The following TENM3 variants were observed in gnomAD, a reference collection of about 807,000 sequenced individuals.
TENM3 encodes the protein teneurin-3.
In TENM3, 63 loss-of-function variants were observed where a neutral mutation model predicts 255.1. The observed-to-expected ratio is 0.25, with a 90% CI of 0.20 to 0.30. The LOEUF (loss-of-function observed/expected upper bound fraction) is 0.30, where lower values mean the gene tolerates loss of function less well. Ranked by LOEUF, TENM3 falls within the 10% of genes least tolerant of loss-of-function variation. The pLI, the probability that TENM3 is intolerant of heterozygous loss-of-function variation, is 1.00. For missense variants in TENM3, 2,929 were observed against 3,461.1 expected (o/e 0.85, Z 3.86); for synonymous variants, 1,306 against 1,322.3 (o/e 0.99, Z 0.27).
chr4:182,096,542 A>T, the TENM3 span, among the ~76,000 whole-genome samples: 2 of 152,254 alleles, frequency 1.3e-5, no homozygotes, highest in African/African-American at 4.8e-5. Context: ...ATGAGTATAT[A>T]TTATGGACAA....
chr4:181,886,148 G>T, the TENM3 span, among the ~76,000 whole-genome samples: 1 of 150,460 alleles, frequency 6.6e-6, no homozygotes, highest in South Asian at 2.1e-4. Flanking sequence ...CGCCTTCCGG[G>T]TTCAAGCAAT....
chr4:181,629,266 G>A, the TENM3 span, among the ~76,000 whole-genome samples: 20,899 of 152,070 alleles, frequency 0.14, 1,665 homozygotes, highest in African/African-American at 0.21. Flanking sequence ...TAAATATACA[G>A]TCATGTCATC....
At chr4:182,174,923 T>C (rs901155587) in intron 1 of TENM3, among the ~76,000 whole-genome samples, 3 of 146,022 alleles carry the variant, frequency 2.1e-5, no homozygotes, top group Admixed American at 6.9e-5. Context: ...ATTACAAGTA[T>C]TGATATTTTC....
intron 3 of TENM3, among the ~76,000 whole-genome samples, chr4:182,523,052 T>C (rs1042927101): frequency 1.3e-5 from 2 of 152,186 alleles, no homozygotes; most frequent in African/African-American, 4.8e-5. Context: ...TGCTTCATGA[T>C]GTTGAGCATT....
At chr4:181,957,065 A>T in the TENM3 span, among the ~76,000 whole-genome samples, 44 of 152,314 alleles carry the variant, frequency 2.9e-4, 1 homozygote, top group East Asian at 1.7e-3. Context: ...TTCAGTTGGC[A>T]TTGCTGGAAT....
the TENM3 span, among the ~76,000 whole-genome samples, chr4:181,667,896 G>A: frequency 6.6e-6 from 1 of 152,222 alleles, no homozygotes; most frequent in Non-Finnish European, 1.5e-5. Context: ...CTTGTCCTCT[G>A]TTCACTTTCA....
At chr4:182,354,279 G>A (rs1193528367) in intron 3 of TENM3, among the ~76,000 whole-genome samples, 3 of 152,156 alleles carry the variant, frequency 2.0e-5, no homozygotes, top group African/African-American at 7.2e-5. Context: ...TTAAAGTGAA[G>A]CATGCTATGA....
chr4:181,761,048 A>G, the TENM3 span, among the ~76,000 whole-genome samples: 1 of 150,550 alleles, frequency 6.6e-6, no homozygotes, highest in Admixed American at 6.6e-5. Context: ...TGTTCTATAA[A>G]TTATCATTCA....
At chr4:182,407,839 A>G (rs909452002) in intron 3 of TENM3, among the ~76,000 whole-genome samples, 2 of 152,238 alleles carry the variant, frequency 1.3e-5, no homozygotes, top group African/African-American at 4.8e-5. Flanking sequence ...TTCACTCTTC[A>G]TTACCAAATC....
the TENM3 span, among the ~76,000 whole-genome samples, chr4:181,894,263 G>T: frequency 6.6e-6 from 1 of 152,154 alleles, no homozygotes; most frequent in Non-Finnish European, 1.5e-5. Flanking sequence ...CAGTAATGAT[G>T]TCATGAGTAA....
the TENM3 span, among the ~76,000 whole-genome samples, chr4:181,891,891 A>T: frequency 6.6e-6 from 1 of 152,078 alleles, no homozygotes; most frequent in African/African-American, 2.4e-5. Flanking sequence ...TTAAGAGGTG[A>T]TTTAGCCATT....
At chr4:182,411,539 C>G (rs1262293181) in intron 3 of TENM3, among the ~76,000 whole-genome samples, 2 of 152,162 alleles carry the variant, frequency 1.3e-5, no homozygotes, top group Non-Finnish European at 1.5e-5. Context: ...GGCTCCCACC[C>G]TCAGATATTC....
At chr4:182,195,315 G>T (rs542331148) in intron 1 of TENM3, among the ~76,000 whole-genome samples, 1 of 152,162 alleles carries the variant, frequency 6.6e-6, no homozygotes, top group South Asian at 2.1e-4. Flanking sequence ...GTGAATGAGG[G>T]AGAATATTTT....
At chr4:182,217,024 T>TC (rs1755524907) in intron 1 of TENM3, among the ~76,000 whole-genome samples, 1 of 116,998 alleles carries the variant, frequency 8.5e-6, no homozygotes, top group African/African-American at 3.9e-5. Context: ...TTTTTTTTTT[T>TC]TTTTTTTTTT....
At chr4:181,899,160 T>C in the TENM3 span, among the ~76,000 whole-genome samples, 512 of 151,990 alleles carry the variant, frequency 3.4e-3, no homozygotes, top group Non-Finnish European at 5.5e-3. Flanking sequence ...AACCATGTGA[T>C]TTTTTATGTC....
the TENM3 span, among the ~76,000 whole-genome samples, chr4:181,926,828 G>T: frequency 6.6e-6 from 1 of 151,840 alleles, no homozygotes; most frequent in Non-Finnish European, 1.5e-5. Context: ...ATCTCATTGG[G>T]ACTGGTTAGA....
At chr4:182,757,492 G>T (rs1762831190) in intron 22 of TENM3, among the ~76,000 whole-genome samples, 1 of 152,056 alleles carries the variant, frequency 6.6e-6, no homozygotes, top group African/African-American at 2.4e-5. Context: ...GGAGTTCATT[G>T]TATGGATTAG....
chr4:181,924,953 G>A, the TENM3 span, among the ~76,000 whole-genome samples: 4 of 152,262 alleles, frequency 2.6e-5, no homozygotes, highest in South Asian at 6.2e-4. Flanking sequence ...TAAACGGCAG[G>A]TTGAAGTAAG....
At chr4:182,486,942 C>T (rs149931028) in intron 3 of TENM3, among the ~76,000 whole-genome samples, 8 of 152,270 alleles carry the variant, frequency 5.3e-5, no homozygotes, top group East Asian at 1.9e-4. Flanking sequence ...GCAAAAGAAA[C>T]GGAACAAAGC....
Sources: allele counts gnomAD v4.1 joint callset (sites outside exome capture counted in the v4.1 genomes callset), GRCh38; gene constraint gnomAD v4.1.1; transcripts MANE v1.5; gene names NCBI Gene and HGNC (gene_info 2026-07-23, HGNC 2026-07-21).